Variants in ATXN7L1 observed in about 807,000 individuals in gnomAD.
ATXN7L1 encodes the protein ataxin-7-like protein 1.
In ATXN7L1, 15 loss-of-function variants were observed where a neutral mutation model predicts 70.8. The ratio of observed to expected loss-of-function variants is 0.21; its 90% CI spans 0.14 to 0.33. The LOEUF is 0.33. ATXN7L1 is among the 10% of genes least tolerant of loss of function. ATXN7L1 has a pLI of 1.00. For missense variants in ATXN7L1, 975 were observed against 1,097.1 expected (o/e 0.89, Z 1.57); for synonymous variants, 440 against 445.1 (o/e 0.99, Z 0.14).
chr7:105,718,252 G>A (rs966795919), intron 3 of ATXN7L1, among the ~76,000 whole-genome samples: 4 of 152,174 alleles, frequency 2.6e-5, no homozygotes, highest in Non-Finnish European at 5.9e-5. Context: ...ACCTGAGTGG[G>A]GAAGAAAGTG....
intron 7 of ATXN7L1, among the ~76,000 whole-genome samples, chr7:105,631,667 A>G (rs149778251): frequency 0.03 from 4,541 of 152,266 alleles, 238 homozygotes; most frequent in African/African-American, 0.1. Context: ...GGGTTTCACC[A>G]TGTTGGCCAG....
chr7:105,619,534 T>TAA (rs1794615143), intron 9 of ATXN7L1, among the ~76,000 whole-genome samples: 4 of 5,624 alleles, frequency 7.1e-4, no homozygotes, highest in African/African-American at 2.3e-3. Flanking sequence ...ATATATATTT[T>TAA]TTTTTTTTTT....
chr7:105,659,917 G>C (rs962826110), intron 4 of ATXN7L1, among the ~76,000 whole-genome samples: 4 of 150,306 alleles, frequency 2.7e-5, no homozygotes, highest in Non-Finnish European at 3.0e-5. Context: ...ATATTTCTTA[G>C]ATACTTCAAA....
At chr7:105,726,217 G>C in intron 3 of ATXN7L1, among the ~76,000 whole-genome samples, 1 of 152,126 alleles carries the variant, frequency 6.6e-6, no homozygotes, top group South Asian at 2.1e-4. Flanking sequence ...TTCCATTTCT[G>C]ATTAAACAGC....
chr7:105,770,983 C>T (rs749299466), intron 3 of ATXN7L1, among the ~76,000 whole-genome samples: 11 of 151,872 alleles, frequency 7.2e-5, no homozygotes, highest in African/African-American at 1.7e-4. Context: ...AGGCGGATCA[C>T]GAGGTCAGGA....
At chr7:105,870,274 T>A (rs1050533632) in intron 2 of ATXN7L1, among the ~76,000 whole-genome samples, 1 of 65,094 alleles carries the variant, frequency 1.5e-5, no homozygotes, top group South Asian at 6.9e-4. Flanking sequence ...AGAGGGAGAC[T>A]CCATTTCAAA....
At chr7:105,755,865 G>A (rs1799740305) in intron 3 of ATXN7L1, among the ~76,000 whole-genome samples, 1 of 152,164 alleles carries the variant, frequency 6.6e-6, no homozygotes. Flanking sequence ...GGGAGGGATG[G>A]GAAGGGCAAC....
intron 3 of ATXN7L1, among the ~76,000 whole-genome samples, chr7:105,693,292 AG>A (rs1791258323): frequency 1.3e-5 from 2 of 152,162 alleles, no homozygotes. Context: ...CCTGGGCTCA[AG>A]GAATCCTTCT....
At chr7:105,796,486 G>C (rs189854552) in intron 2 of ATXN7L1, among the ~76,000 whole-genome samples, 2 of 152,180 alleles carry the variant, frequency 1.3e-5, no homozygotes, top group East Asian at 1.9e-4. Flanking sequence ...AGGTGCTATT[G>C]ATCTTCCTTG....
chr7:105,612,498 G>A (rs1287623892), intron 10 of ATXN7L1, among the ~76,000 whole-genome samples: 1 of 152,170 alleles, frequency 6.6e-6, no homozygotes, highest in Non-Finnish European at 1.5e-5. Flanking sequence ...CCCCCCGGGG[G>A]ATTCGTGTAT....
At chr7:105,771,075 C>T (rs1157352733) in intron 3 of ATXN7L1, among the ~76,000 whole-genome samples, 2 of 152,110 alleles carry the variant, frequency 1.3e-5, no homozygotes, top group South Asian at 4.2e-4. Context: ...TGGTGGGCAC[C>T]TGTAATCCTA....
chr7:105,778,534 A>AC (rs1216245993), intron 3 of ATXN7L1, among the ~76,000 whole-genome samples: 1 of 150,794 alleles, frequency 6.6e-6, no homozygotes, highest in East Asian at 1.9e-4. Flanking sequence ...AAAAAAAAAA[A>AC]ACAAAGACTA....
chr7:105,848,253 G>C (rs1814355822), intron 2 of ATXN7L1, among the ~76,000 whole-genome samples: 1 of 152,122 alleles, frequency 6.6e-6, no homozygotes, highest in African/African-American at 2.4e-5. Context: ...GGCCAGAGTT[G>C]GGAAAACAGC....
intron 4 of ATXN7L1, among the ~76,000 whole-genome samples, chr7:105,661,940 G>A (rs1801671769): frequency 6.6e-6 from 1 of 152,096 alleles, no homozygotes; most frequent in Non-Finnish European, 1.5e-5. Flanking sequence ...TTCACTACGA[G>A]CTATCTCTCT....
chr7:105,619,524 ATATATATTTTTTTTTTTTTTTTT>A (rs1299752107), intron 9 of ATXN7L1, among the ~76,000 whole-genome samples: 159 of 21,452 alleles, frequency 7.4e-3, no homozygotes, highest in Non-Finnish European at 9.7e-3. Context: ...ATATATATAT[ATATATATTTTTTTTTTTTTTTTT>A]TTTTTTTTTT....
intron 3 of ATXN7L1, among the ~76,000 whole-genome samples, chr7:105,697,497 A>G (rs530332334): frequency 6.6e-6 from 1 of 152,344 alleles, no homozygotes; most frequent in East Asian, 1.9e-4. Flanking sequence ...CTCTCTGAAC[A>G]ATTGCTGTTA....
chr7:105,684,013 C>T (rs1448358678), intron 3 of ATXN7L1, among the ~76,000 whole-genome samples: 2 of 152,206 alleles, frequency 1.3e-5, no homozygotes, highest in Non-Finnish European at 2.9e-5. Flanking sequence ...CACACTCCTG[C>T]CCAGGGGCTG....
chr7:105,822,121 A>G (rs1810250650), intron 2 of ATXN7L1, among the ~76,000 whole-genome samples: 1 of 152,204 alleles, frequency 6.6e-6, no homozygotes, highest in African/African-American at 2.4e-5. Context: ...GCTGCTTCTC[A>G]ACATTAGATT....
At chr7:105,859,855 T>C (rs1033880912) in intron 2 of ATXN7L1, among the ~76,000 whole-genome samples, 1 of 146,752 alleles carries the variant, frequency 6.8e-6, no homozygotes, top group Admixed American at 7.0e-5. Context: ...CGATCTCAGC[T>C]CACTCCAACC....
Sources: gnomAD v4.1 joint callset for allele counts (sites outside exome capture counted in the v4.1 genomes callset) on GRCh38, gnomAD v4.1.1 for gene constraint, MANE v1.5 for transcripts, NCBI Gene and HGNC (gene_info 2026-07-23, HGNC 2026-07-21) for gene names.